Variants in NUFIP2 observed in about 807,000 individuals in gnomAD.
NUFIP2 encodes the protein nuclear FMR1 interacting protein 2.
In NUFIP2, 6 loss-of-function variants were observed where a neutral mutation model predicts 56.9. The observed-to-expected ratio is 0.11, with a 90% CI of 0.06 to 0.21. The LOEUF is 0.21. Ranked by LOEUF, NUFIP2 falls within the 10% of genes least tolerant of loss-of-function variation. The probability of loss-of-function intolerance (pLI) is 1.00; values close to 1 mark genes in which losing one functional copy is unlikely to be tolerated. For missense variants in NUFIP2, 828 were observed against 826.8 expected, an observed-to-expected ratio of 1.00 and a Z score of -0.02; for synonymous variants, 321 against 298.2, an observed-to-expected ratio of 1.08 and a Z score of -0.79.
At chr17:29,293,760 C>T in intron 1 of NUFIP2, 23 bp downstream of exon 1, 2 of 1,537,322 alleles carry the variant, frequency 1.3e-6, no homozygotes, top group Non-Finnish European at 1.8e-6. Flanking sequence ...ACCCCCTTCC[C>T]CCACCCGTCC....
At position 29,255,944 on chromosome 17, in the gene NUFIP2, G is replaced by T. The variant is rs1008860486; in HGVS notation, c.*8595C>A. ...GATAAAATAAGTAAATCTGGGTATGGTTGTAGAGTGTTTGTAATTTATATT... is the reference window on the plus strand; with the variant it reads ...GATAAAATAAGTAAATCTGGGTATGTTTGTAGAGTGTTTGTAATTTATATT... On this transcript the variant is annotated 3_prime_UTR_variant, in exon 4 of 4. Coordinates refer to ENST00000225388, the MANE Select transcript of NUFIP2 (RefSeq NM_020772.3). The T allele has an allele frequency of 1.3e-5, 2 of 152,074 alleles. No homozygotes were observed. The highest frequency in any genetic ancestry group is 6.6e-5 in the Admixed American group (1 of 15,262). The allele number at this position is 152,074 out of a possible 1,614,324, so 9.4% of individuals were successfully genotyped here.
chr17:29,280,862 C>T (rs1567679502), intron 2 of NUFIP2, among the ~76,000 whole-genome samples: 1 of 151,898 alleles, frequency 6.6e-6, no homozygotes, highest in Non-Finnish European at 1.5e-5. Context: ...GTGGTACATG[C>T]CTGTAATCCC....
intron 1 of NUFIP2, among the ~76,000 whole-genome samples, chr17:29,288,671 A>C (rs2069192704): frequency 6.6e-6 from 1 of 152,026 alleles, no homozygotes; most frequent in Non-Finnish European, 1.5e-5. Context: ...AGACTTTAAG[A>C]GAGATGAAGT....
At position 29,263,210 on chromosome 17, in the gene NUFIP2, A is replaced by G. The variant is rs60639022; in HGVS notation, c.*1329T>C. ...CCCTTAATTTCTGCACACACACACA[A>G]AAATTTATTTTAGCATGCTATACAC... On this transcript the variant is annotated 3_prime_UTR_variant, in exon 4 of 4. Transcript: ENST00000225388. 6.6e-6 allele frequency: 1 copy of G among 152,406 alleles called. No individual in the cohort carries two copies. Among genetic ancestry groups the G allele is most frequent in the East Asian group, 1.9e-4 (1 of 5,202 alleles). The allele number at this position is 152,406 out of a possible 1,614,324, so 9.4% of individuals were successfully genotyped here. A position where few individuals can be genotyped will look rare whatever the true frequency, so the allele number is the denominator to read the frequency against.
chr17:29,293,726 CAT>C, intron 1 of NUFIP2, 55 bp downstream of exon 1: 2 of 1,302,700 alleles, frequency 1.5e-6, no homozygotes, highest in Non-Finnish European at 2.1e-6. Flanking sequence ...GCCCCACCCC[CAT>C]CTCTCCTGTC....
chr17:29,287,540 T>C lies in NUFIP2; in HGVS notation c.454A>G (p.Lys152Glu). The change falls in exon 2 of 4, where the codon AAG (lysine) becomes GAG (glutamate). Residue 152 changes from lysine (K) to glutamate (E), a missense_variant. This residue lies in a region of NUFIP2 where 415 missense variants were observed against 408.7 expected (regional missense o/e 1.02). Coordinates refer to ENST00000225388, the MANE Select transcript of NUFIP2 (RefSeq NM_020772.3). ...ATACTGTTTTTCTGAATGAAATTCT[T>C]GGTTTTAATTCCTGCTTTCCCAAAG... ...NTFGKAGIKT[K>E]NFIQKNSMDK... is the part of the protein sequence containing the mutation. 3 of 1,614,162 alleles carry C rather than the reference T, an allele frequency of 1.9e-6. No homozygotes were observed. The highest frequency in any genetic ancestry group is 2.5e-6 in the Non-Finnish European group (3 of 1,180,024).
intron 1 of NUFIP2, among the ~76,000 whole-genome samples, chr17:29,291,806 T>C (rs1462859386): frequency 6.6e-6 from 1 of 152,240 alleles, no homozygotes; most frequent in Non-Finnish European, 1.5e-5. Context: ...TCCAAATCTT[T>C]AGGATTAAAA....
intron 2 of NUFIP2, among the ~76,000 whole-genome samples, chr17:29,276,046 A>ATG (rs1555548345): frequency 6.6e-6 from 1 of 150,644 alleles, no homozygotes; most frequent in African/African-American, 2.5e-5. Context: ...ATATATATAT[A>ATG]TATCTGAAAG....
chr17:29,264,650 CCAATAA>C, intron 3 of NUFIP2, 59 bp from the exon 4 acceptor site: 1 of 1,078,996 alleles, frequency 9.3e-7, no homozygotes, highest in Non-Finnish European at 1.4e-6. Context: ...TGCCCGTATT[CCAATAA>C]CAATCCCAAA....
chr17:29,259,945 C>G lies in NUFIP2; in HGVS notation c.*4594G>C, dbSNP rs1177789410. 1 of 152,158 alleles carries G rather than the reference C, an allele frequency of 6.6e-6. No individual in the cohort carries two copies. Among genetic ancestry groups the G allele is most frequent in the African/African-American group, 2.4e-5 (1 of 41,422 alleles). The allele number at this position is 152,158 out of a possible 1,614,324, so 9.4% of individuals were successfully genotyped here. On this transcript the variant is annotated 3_prime_UTR_variant, in exon 4 of 4. Transcript: ENST00000225388. ...ATGATTCATCACTCTCCCAGGTGGT[C>G]CTGGTTCTCACACAGGTGATGTATA...
intron 2 of NUFIP2, 44 bp downstream of exon 2, chr17:29,285,948 A>T: frequency 7.1e-7 from 1 of 1,412,474 alleles, no homozygotes; most frequent in Non-Finnish European, 9.7e-7. Flanking sequence ...ACAATATACT[A>T]AATTGGCCAA....
At chr17:29,272,082 A>AGGGGC (rs2069077013) in intron 2 of NUFIP2, among the ~76,000 whole-genome samples, 1 of 7,618 alleles carries the variant, frequency 1.3e-4, no homozygotes, top group Non-Finnish European at 2.4e-4. Context: ...AAGAGAGGGG[A>AGGGGC]GGGGAGGGGA....
At chr17:29,284,523 C>G (rs537824584) in intron 2 of NUFIP2, among the ~76,000 whole-genome samples, 2 of 151,536 alleles carry the variant, frequency 1.3e-5, no homozygotes, top group Admixed American at 1.3e-4. Flanking sequence ...CTGGCCAACA[C>G]GGTGAAACCT....
chr17:29,293,762 C>G (rs753332068), intron 1 of NUFIP2, 21 bp downstream of exon 1: 3 of 1,539,330 alleles, frequency 1.9e-6, no homozygotes, highest in South Asian at 1.2e-5. Flanking sequence ...CCCCTTCCCC[C>G]ACCCGTCCTC....
chr17:29,255,996 ATC>A lies in NUFIP2; in HGVS notation c.*8541_*8542del, dbSNP rs2068969254. On this transcript the variant is annotated 3_prime_UTR_variant, in exon 4 of 4. Coordinates refer to ENST00000225388, the MANE Select transcript of NUFIP2 (RefSeq NM_020772.3). Reference sequence around the variant, plus strand: ...TTAAAACACTGAACATGATGAAGACATCAATAAAGGAAGATCATCACGTAAAT... The same window carrying A: ...TTAAAACACTGAACATGATGAAGACAAATAAAGGAAGATCATCACGTAAAT... The A allele has an allele frequency of 6.6e-6, 1 of 152,248 alleles. No homozygotes were observed. The highest frequency in any genetic ancestry group is 1.5e-5 in the Non-Finnish European group (1 of 68,044). 9.4% of individuals were successfully genotyped at this position (152,248 alleles called of 1,614,324 possible).
chr17:29,293,319 T>C (rs1434212035), intron 1 of NUFIP2, among the ~76,000 whole-genome samples: 1 of 151,366 alleles, frequency 6.6e-6, no homozygotes, highest in East Asian at 2.0e-4. Context: ...TCACCCTACC[T>C]ACCCACTCCT....
In NUFIP2 at chr17:29,293,972, G is replaced by A. The variant is rs1309427341; in HGVS notation, c.88C>T (p.Pro30Ser). ...HHHPQQQQQQ[P>S]HHHHHYYFYN... ...AAATAATAATGGTGGTGGTGGTGCG[G>A]CTGCTGCTGCTGCTGCTGAGGGTGA... The change falls in exon 1 of 4, where the codon CCG (proline) becomes TCG (serine). Residue 30 changes from proline (P) to serine (S), a missense_variant. Pro to Ser is a moderately conservative substitution (Grantham distance 74, BLOSUM62 -1). Transcript: ENST00000225388. 6.4e-7 allele frequency: 1 copy of A among 1,569,288 alleles called. No homozygotes were observed. Among genetic ancestry groups the A allele is most frequent in the Non-Finnish European group, 8.7e-7 (1 of 1,143,666 alleles).
intron 2 of NUFIP2, among the ~76,000 whole-genome samples, chr17:29,278,052 C>G (rs1044485703): frequency 6.6e-6 from 1 of 152,036 alleles, no homozygotes; most frequent in African/African-American, 2.4e-5. Context: ...ATACAGCATG[C>G]TTTCAAGTAA....
chr17:29,268,307 GATAAA>G (rs2069050985), intron 2 of NUFIP2, among the ~76,000 whole-genome samples: 3 of 152,284 alleles, frequency 2.0e-5, no homozygotes, highest in Admixed American at 2.0e-4. Flanking sequence ...ACATGCTACA[GATAAA>G]ATAATACTTC....
Sources: gnomAD v4.1 joint callset for allele counts (sites outside exome capture counted in the v4.1 genomes callset) on GRCh38, gnomAD v4.1.1 for gene constraint, gnomAD v4.1.1 regional missense constraint, MANE v1.5 for transcripts, NCBI Gene and HGNC (gene_info 2026-07-23, HGNC 2026-07-21) for gene names.